Variants in GAK observed in about 807,000 individuals in gnomAD.
GAK encodes the protein cyclin G associated kinase, also known as cyclin-G-associated kinase.
In GAK, 79 loss-of-function variants were observed where a neutral mutation model predicts 143.9. That is an observed-to-expected ratio of 0.55 (90% CI 0.46 to 0.66). GAK has a LOEUF of 0.66. GAK is among the 30% of genes least tolerant of loss of function. The probability of loss-of-function intolerance (pLI) is 0.00; values close to 1 mark genes in which losing one functional copy is unlikely to be tolerated. For missense variants in GAK, 1,693 were observed against 1,779.7 expected (o/e 0.95, Z 0.88); for synonymous variants, 881 against 765.5 (o/e 1.15, Z -2.49).
At chr4:912,529 T>C (rs746239219) in intron 3 of GAK, 13 of 523,388 alleles carry the variant, frequency 2.5e-5, no homozygotes, top group Admixed American at 6.5e-5. Flanking sequence ...TCTTCTACTA[T>C]TACCCTGGCA....
chr4:883,929 C>G (rs888755597), intron 12 of GAK, 108 bp downstream of exon 12: 4 of 1,124,700 alleles, frequency 3.6e-6, no homozygotes, highest in African/African-American at 3.1e-5. Flanking sequence ...TCTGTGGCCA[C>G]AGAGAAGGCT....
intron 20 of GAK, among the ~76,000 whole-genome samples, chr4:868,292 A>G (rs1393270365): frequency 6.6e-6 from 1 of 152,172 alleles, no homozygotes; most frequent in East Asian, 1.9e-4. Flanking sequence ...ACTGGGATGA[A>G]GAGCGAGGGT....
chr4:856,551 TCAC>T (rs368486903), intron 24 of GAK, among the ~76,000 whole-genome samples: 11,539 of 139,492 alleles, frequency 0.083, 673 homozygotes, highest in South Asian at 0.17. Context: ...TCACACCTGC[TCAC>T]CACCACAGCT....
chr4:912,692 G>T, intron 3 of GAK, 43 bp downstream of exon 3: 1 of 1,552,470 alleles, frequency 6.4e-7, no homozygotes, highest in Non-Finnish European at 8.9e-7. Flanking sequence ...GCCTGTGCCT[G>T]CCAAAGCCAC....
chr4:852,845 C>T (rs530783861), intron 24 of GAK: 2 of 152,468 alleles, frequency 1.3e-5, no homozygotes, highest in South Asian at 2.1e-4. Flanking sequence ...CTCTCATAAC[C>T]TCAGAGAAGC....
chr4:892,067 G>A (rs980135180), intron 9 of GAK, among the ~76,000 whole-genome samples: 2 of 152,098 alleles, frequency 1.3e-5, no homozygotes, highest in Non-Finnish European at 2.9e-5. Flanking sequence ...CTGTACCCAC[G>A]CGGCCCCCAA....
At chr4:849,833 G>GGGCCCGCCCCCCCCC in intron 27 of GAK, 59 bp from the exon 28 acceptor site, 1 of 1,190,156 alleles carries the variant, frequency 8.4e-7, no homozygotes, top group Non-Finnish European at 1.2e-6. Flanking sequence ...GGCGGGGCAG[G>GGGCCCGCCCCCCCCC]ACCCCCCCCC....
chr4:917,652 T>TACCGTGGGGAGGAGGGAG (rs1161514807), intron 1 of GAK, among the ~76,000 whole-genome samples: 1 of 152,252 alleles, frequency 6.6e-6, no homozygotes, highest in East Asian at 1.9e-4. Flanking sequence ...GGCGAAGGGT[T>TACCGTGGGGAGGAGGGAG]ACCGTGGGGA....
chr4:872,332 C>T (rs1449662938), intron 18 of GAK: 1 of 152,242 alleles, frequency 6.6e-6, no homozygotes, highest in African/African-American at 2.4e-5. Context: ...ACGGCCGAAG[C>T]CGGGACTGAT....
chr4:889,260 C>T (rs1386601217), intron 10 of GAK, among the ~76,000 whole-genome samples: 6 of 152,214 alleles, frequency 3.9e-5, no homozygotes, highest in African/African-American at 7.2e-5. Context: ...AATCTGGGTG[C>T]GGAAGGGCTA....
At position 893,696 on chromosome 4, in the gene GAK, G is replaced by A. The variant is rs374626272; in HGVS notation, c.877+178C>T. Among the ~76,000 whole-genome samples the A allele has an allele frequency of 9.7e-4, 142 of 146,778 alleles. 3 individuals carry two copies. In the South Asian group the frequency reaches 0.026, roughly 27 times the overall value. On this transcript the variant is annotated intron_variant, in intron 8 of 27. Transcript: ENST00000314167. ...CTCAGAGCACCGCAAATTCACCAGC[G>A]GGGTGGGCGGCAGGGGAGCTCTCTG...
intron 6 of GAK, among the ~76,000 whole-genome samples, chr4:897,507 G>A (rs531475578): frequency 2.0e-5 from 3 of 152,252 alleles, no homozygotes; most frequent in Admixed American, 6.5e-5. Context: ...GGGCAGAGAC[G>A]GCATCTATCT....
chr4:891,769 A>G (rs1717715705), intron 9 of GAK, among the ~76,000 whole-genome samples: 1 of 152,100 alleles, frequency 6.6e-6, no homozygotes, highest in Non-Finnish European at 1.5e-5. Flanking sequence ...CATTTTCTGT[A>G]AAGAGCCACC....
intron 24 of GAK, chr4:859,212 G>C (rs1430514869): frequency 8.5e-7 from 1 of 1,178,542 alleles, no homozygotes; most frequent in Non-Finnish European, 1.1e-6. Flanking sequence ...CAGGACTGGA[G>C]AGGGTGGGCT....
intron 24 of GAK, chr4:859,079 G>A (rs1749798044): frequency 1.3e-6 from 1 of 788,470 alleles, no homozygotes; most frequent in South Asian, 5.7e-5. Context: ...AGTGAACCCA[G>A]AGACCCAGGG....
chr4:873,063 C>A (rs117879243), intron 18 of GAK, among the ~76,000 whole-genome samples: 1 of 144,766 alleles, frequency 6.9e-6, no homozygotes, highest in East Asian at 2.1e-4. Context: ...TCGCCCACAG[C>A]GCAGCCTTGA....
At chr4:860,558 G>A (rs1750088668) in intron 23 of GAK, among the ~76,000 whole-genome samples, 1 of 152,214 alleles carries the variant, frequency 6.6e-6, no homozygotes, top group Non-Finnish European at 1.5e-5. Context: ...TCATTCATAA[G>A]AAAGAAATCA....
Position 882,735 on chromosome 4 carries a change from G to A in GAK, c.1489C>T (p.Arg497Trp), listed in dbSNP as rs527823947. The A allele has an allele frequency of 2.5e-5, 40 of 1,612,620 alleles. No homozygotes were observed. The highest frequency in any genetic ancestry group is 3.2e-5 in the Non-Finnish European group (38 of 1,179,956). Reference sequence around the variant, plus strand: ...ACGCAGACGTTCTTGTGGTCCTGCCGCAGCCAGGCGTGCATGTTCCTGCAG... The same window carrying A: ...ACGCAGACGTTCTTGTGGTCCTGCCACAGCCAGGCGTGCATGTTCCTGCAG... ...NICRNMHAWL[R>W]QDHKNVCVVH... Residue 497 changes from arginine to tryptophan, a missense_variant, in exon 14 of 28, where the codon CGG becomes TGG. Transcript: ENST00000314167.
chr4:855,611 G>A (rs945592833), intron 24 of GAK, among the ~76,000 whole-genome samples: 3 of 152,162 alleles, frequency 2.0e-5, no homozygotes, highest in Non-Finnish European at 4.4e-5. Flanking sequence ...TGGGACTTCC[G>A]ACAAGTACAA....
Sources: allele counts gnomAD v4.1 joint callset (sites outside exome capture counted in the v4.1 genomes callset), GRCh38; gene constraint gnomAD v4.1.1; transcripts MANE v1.5; gene names NCBI Gene and HGNC (gene_info 2026-07-23, HGNC 2026-07-21).